Variants in NXPH1 observed in about 807,000 individuals in gnomAD.
NXPH1 encodes the protein neurexophilin 1.
Under a neutral mutation model 23.7 loss-of-function variants are expected in NXPH1, and 5 were observed. The observed-to-expected ratio is 0.21, with a 90% confidence interval of 0.11 to 0.44. NXPH1 has a LOEUF of 0.44. NXPH1 is among the 20% of genes least tolerant of loss of function. The pLI is 0.99. For missense variants in NXPH1, 324 were observed against 321.6 expected (o/e 1.01, Z -0.06); for synonymous variants, 144 against 122.2 (o/e 1.18, Z -1.18).
chr7:8,719,276 C>A lies in NXPH1; in HGVS notation c.55-31732C>A, dbSNP rs188832212. On this transcript the variant is annotated intron_variant, in intron 2 of 2. Transcript: ENST00000405863. ...CCTGTCAGGTCATGGCCTACTTGGCCTAGTTACAGAGATATTGCTTCATGG... is the reference window on the plus strand; with the variant it reads ...CCTGTCAGGTCATGGCCTACTTGGCATAGTTACAGAGATATTGCTTCATGG... Among the ~76,000 whole-genome samples the A allele has an allele frequency of 5.9e-5, 9 of 152,262 alleles. No homozygotes were observed. In the East Asian group the frequency reaches 1.7e-3, roughly 29 times the overall value.
At chr7:8,679,569 GTTTC>G (rs375579307) in intron 2 of NXPH1, among the ~76,000 whole-genome samples, 264 of 152,254 alleles carry the variant, frequency 1.7e-3, no homozygotes, top group African/African-American at 6.2e-3. Flanking sequence ...TTCCCTCAAT[GTTTC>G]TTTGTCACAA....
intron 2 of NXPH1, among the ~76,000 whole-genome samples, chr7:8,526,742 C>G (rs1176734075): frequency 6.6e-6 from 1 of 152,140 alleles, no homozygotes; most frequent in African/African-American, 2.4e-5. Context: ...AAAGAAGTGC[C>G]TTTTACCTCC....
At chr7:8,590,354 T>C (rs1278142473) in intron 2 of NXPH1, among the ~76,000 whole-genome samples, 6 of 152,070 alleles carry the variant, frequency 3.9e-5, no homozygotes, top group Admixed American at 1.3e-4. Context: ...GAGTGATCCT[T>C]CTGCTTCCAA....
intron 2 of NXPH1, among the ~76,000 whole-genome samples, chr7:8,581,945 CAG>C (rs996877347): frequency 2.6e-5 from 4 of 152,150 alleles, no homozygotes; most frequent in Non-Finnish European, 5.9e-5. Flanking sequence ...GCTACCAGCC[CAG>C]ATCCTATACC....
intron 2 of NXPH1, among the ~76,000 whole-genome samples, chr7:8,564,947 A>G (rs1449935267): frequency 6.6e-6 from 1 of 151,722 alleles, no homozygotes; most frequent in African/African-American, 2.4e-5. Flanking sequence ...TTTTTCTCTT[A>G]TTTGCTGGAC....
At chr7:8,654,732 C>G (rs1243096924) in intron 2 of NXPH1, among the ~76,000 whole-genome samples, 1 of 152,160 alleles carries the variant, frequency 6.6e-6, no homozygotes, top group Non-Finnish European at 1.5e-5. Context: ...AAGAGGTGCT[C>G]TAGGTGGGAC....
At chr7:8,460,843 T>C (rs1397641906) in intron 2 of NXPH1, among the ~76,000 whole-genome samples, 1 of 152,178 alleles carries the variant, frequency 6.6e-6, no homozygotes, top group Non-Finnish European at 1.5e-5. Context: ...TGGCTAACTA[T>C]AAAAAGGAAG....
At chr7:8,465,415 C>T (rs1264900695) in intron 2 of NXPH1, among the ~76,000 whole-genome samples, 1 of 152,094 alleles carries the variant, frequency 6.6e-6, no homozygotes, top group African/African-American at 2.4e-5. Flanking sequence ...GGCCTCTCAC[C>T]CCTGAAAGGC....
intron 2 of NXPH1, among the ~76,000 whole-genome samples, chr7:8,564,840 TTG>T (rs1230123253): frequency 1.3e-5 from 2 of 151,816 alleles, no homozygotes; most frequent in Non-Finnish European, 2.9e-5. Context: ...GTAACAGTCT[TTG>T]CTGGAAATAA....
chr7:8,712,126 A>G (rs1779807403), intron 2 of NXPH1, among the ~76,000 whole-genome samples: 1 of 152,226 alleles, frequency 6.6e-6, no homozygotes, highest in Non-Finnish European at 1.5e-5. Flanking sequence ...CAGCACTGGT[A>G]TAGACTCTTA....
intron 2 of NXPH1, among the ~76,000 whole-genome samples, chr7:8,504,858 C>T (rs547912578): frequency 1.4e-4 from 21 of 152,224 alleles, no homozygotes; most frequent in African/African-American, 4.6e-4. Flanking sequence ...AGCAGATCCT[C>T]ACCAGACACC....
intron 2 of NXPH1, among the ~76,000 whole-genome samples, chr7:8,649,371 AG>A (rs1391398921): frequency 6.6e-6 from 1 of 151,746 alleles, no homozygotes; most frequent in Non-Finnish European, 1.5e-5. Context: ...CATTTATGTT[AG>A]GATGTACGTT....
At chr7:8,656,360 C>T (rs1310860844) in intron 2 of NXPH1, among the ~76,000 whole-genome samples, 2 of 152,156 alleles carry the variant, frequency 1.3e-5, no homozygotes, top group Non-Finnish European at 2.9e-5. Context: ...ATGCTAGACA[C>T]TGAGTAAATT....
At chr7:8,552,021 G>T (rs529679398) in intron 2 of NXPH1, among the ~76,000 whole-genome samples, 18 of 143,930 alleles carry the variant, frequency 1.3e-4, no homozygotes, top group African/African-American at 4.5e-4. Context: ...TGCAAAATTT[G>T]TCTGTACTTT....
chr7:8,526,137 C>T (rs551347628), intron 2 of NXPH1, among the ~76,000 whole-genome samples: 5 of 152,262 alleles, frequency 3.3e-5, no homozygotes, highest in African/African-American at 9.6e-5. Context: ...TGGGAACCCA[C>T]TTCTTGCATC....
chr7:8,616,209 C>G (rs1360130238), intron 2 of NXPH1, among the ~76,000 whole-genome samples: 3 of 152,004 alleles, frequency 2.0e-5, no homozygotes, highest in African/African-American at 4.8e-5. Context: ...ACACTGGCCT[C>G]CTTGCTGTTC....
At chr7:8,608,079 T>G (rs1007811141) in intron 2 of NXPH1, among the ~76,000 whole-genome samples, 3 of 152,240 alleles carry the variant, frequency 2.0e-5, no homozygotes, top group Non-Finnish European at 4.4e-5. Flanking sequence ...GCTTTGCTGA[T>G]TCCCTAATTT....
chr7:8,738,231 T>C (rs1253689068), intron 2 of NXPH1, among the ~76,000 whole-genome samples: 1 of 152,252 alleles, frequency 6.6e-6, no homozygotes, highest in African/African-American at 2.4e-5. Context: ...ATTTGGAATT[T>C]CAGTCTTTTG....
chr7:8,531,526 C>G (rs1231051292), intron 2 of NXPH1, among the ~76,000 whole-genome samples: 1 of 152,172 alleles, frequency 6.6e-6, no homozygotes, highest in East Asian at 1.9e-4. Flanking sequence ...ACTGTACTCT[C>G]TATTCTCTAT....
Sources: allele counts gnomAD v4.1 joint callset (sites outside exome capture counted in the v4.1 genomes callset), GRCh38; gene constraint gnomAD v4.1.1; transcripts MANE v1.5; gene names NCBI Gene and HGNC (gene_info 2026-07-23, HGNC 2026-07-21).